Variants in BPHL observed in about 807,000 individuals in gnomAD.
BPHL encodes biphenyl hydrolase like, also known as serine hydrolase BPHL.
In BPHL, 27 loss-of-function variants were observed where a neutral mutation model predicts 31.2. The ratio of observed to expected loss-of-function variants is 0.87; its 90% confidence interval spans 0.64 to 1.19. The LOEUF (loss-of-function observed/expected upper bound fraction) is 1.19, where lower values mean the gene tolerates loss of function less well. Among genes scored for constraint, BPHL ranks in the 50% most tolerant of loss-of-function variants. The pLI, the probability that BPHL is intolerant of heterozygous loss-of-function variation, is 0.00. For missense variants in BPHL, 356 were observed against 375.7 expected (o/e 0.95, Z 0.43); for synonymous variants, 150 against 146.8 (o/e 1.02, Z -0.16).
chr6:3,142,125 G>T (rs561492433), intron 6 of BPHL, among the ~76,000 whole-genome samples: 385 of 147,228 alleles, frequency 2.6e-3, no homozygotes, highest in Non-Finnish European at 3.9e-3. Context: ...TTTTTTGTTT[G>T]TTTTTTTTTT....
intron 2 of BPHL, among the ~76,000 whole-genome samples, chr6:3,126,502 C>T (rs2113749452): frequency 6.6e-6 from 1 of 151,862 alleles, no homozygotes; most frequent in South Asian, 2.1e-4. Flanking sequence ...AAAGGAAGAC[C>T]CAGGGCCTCT....
At chr6:3,132,922 C>T (rs1268223567) in intron 4 of BPHL, among the ~76,000 whole-genome samples, 1 of 152,118 alleles carries the variant, frequency 6.6e-6, no homozygotes, top group African/African-American at 2.4e-5. Flanking sequence ...ACTTTTTATT[C>T]AATTTTCTTA....
chr6:3,141,877 G>A (rs1349493929), intron 6 of BPHL, among the ~76,000 whole-genome samples: 1 of 151,934 alleles, frequency 6.6e-6, no homozygotes, highest in East Asian at 2.0e-4. Context: ...AGGAAGCTGA[G>A]TCAGGAGAAT....
chr6:3,134,603 A>ATTTTTTTTTT (rs556567574), intron 4 of BPHL, among the ~76,000 whole-genome samples: 1 of 127,626 alleles, frequency 7.8e-6, no homozygotes, highest in South Asian at 2.5e-4. Flanking sequence ...CACCTGGCTA[A>ATTTTTTTTTT]TTTTTTTTTT....
At chr6:3,132,056 C>T (rs1761885011) in intron 4 of BPHL, among the ~76,000 whole-genome samples, 1 of 152,126 alleles carries the variant, frequency 6.6e-6, no homozygotes. Flanking sequence ...TTGATGAAAG[C>T]AAGAGTCTCT....
intron 6 of BPHL, among the ~76,000 whole-genome samples, chr6:3,147,849 T>C (rs1048121737): frequency 2.6e-5 from 4 of 152,108 alleles, no homozygotes; most frequent in African/African-American, 9.7e-5. Flanking sequence ...GCCAGGAGGC[T>C]TGAGACCCAG....
At chr6:3,146,431 TCGGAGTGCTGG>T (rs1762366045) in intron 6 of BPHL, among the ~76,000 whole-genome samples, 1 of 116,260 alleles carries the variant, frequency 8.6e-6, no homozygotes, top group Admixed American at 9.0e-5. Flanking sequence ...CTGGTTTGGG[TCGGAGTGCTGG>T]TTTGGGTCGG....
chr6:3,140,943 C>T lies in BPHL; in HGVS notation c.788+434C>T, dbSNP rs1244072269. ...TTCTGATGTCTGCTGACAGCCAGCCCTACTCAGCACAGTTAATGGTAGTGT... is the reference window on the plus strand; with the variant it reads ...TTCTGATGTCTGCTGACAGCCAGCCTTACTCAGCACAGTTAATGGTAGTGT... On this transcript the variant is annotated intron_variant, in intron 6 of 6. Coordinates refer to ENST00000380379, the MANE Select transcript of BPHL (RefSeq NM_004332.4). This position sits in a 1 kb window ranked among gnomAD's most constrained non-coding sequence, Gnocchi z 5.2. 6.6e-6 allele frequency among the ~76,000 whole-genome samples: 1 copy of T among 152,184 alleles called. No individual in the cohort carries two copies. Among genetic ancestry groups the T allele is most frequent in the East Asian group, 1.9e-4 (1 of 5,194 alleles).
chr6:3,141,807 G>C (rs1762185813), intron 6 of BPHL, among the ~76,000 whole-genome samples: 1 of 151,978 alleles, frequency 6.6e-6, no homozygotes, highest in South Asian at 2.1e-4. Flanking sequence ...AACCCCATCT[G>C]TACTAAAAAT....
In BPHL at chr6:3,140,396, C is replaced by T. The variant is rs748796244; in HGVS notation, c.675C>T (p.Cys225=). The T allele has an allele frequency of 1.9e-6, 3 of 1,614,026 alleles. No homozygotes were observed. The highest frequency in any genetic ancestry group is 2.7e-5 in the African/African-American group (2 of 74,906). Reference sequence around the variant, plus strand: ...CTGTGTATCCGTCAGGTAACATCTGCCGGCACCTGCTGCCCCGGGTCCAGT... The same window carrying T: ...CTGTGTATCCGTCAGGTAACATCTGTCGGCACCTGCTGCCCCGGGTCCAGT... The part of the protein sequence containing the change: ...QFKHLPDGNI[C]RHLLPRVQCP... The change falls in exon 6 of 7, where the codon TGC becomes TGT. Residue 225 remains cysteine, a synonymous_variant. Coordinates refer to ENST00000380379, the MANE Select transcript of BPHL (RefSeq NM_004332.4). This position sits in a 1 kb window ranked among gnomAD's most constrained non-coding sequence, Gnocchi z 5.2.
chr6:3,144,302 C>T (rs1193254862), intron 6 of BPHL, among the ~76,000 whole-genome samples: 6 of 151,494 alleles, frequency 4.0e-5, no homozygotes, highest in South Asian at 2.1e-4. Flanking sequence ...CTCCTGACCT[C>T]GTGATGCACC....
At chr6:3,121,166 A>T (rs1761558854) in intron 1 of BPHL, among the ~76,000 whole-genome samples, 1 of 152,222 alleles carries the variant, frequency 6.6e-6, no homozygotes, top group Admixed American at 6.5e-5. Context: ...ATGTAAAAAT[A>T]ATTCATCAAG....
intron 4 of BPHL, among the ~76,000 whole-genome samples, chr6:3,130,681 A>T (rs973521099): frequency 1.3e-5 from 2 of 152,112 alleles, no homozygotes; most frequent in African/African-American, 4.8e-5. Context: ...TAAAATATTT[A>T]TTTACTCTCT....
At chr6:3,143,256 A>G (rs1438960063) in intron 6 of BPHL, among the ~76,000 whole-genome samples, 1 of 152,110 alleles carries the variant, frequency 6.6e-6, no homozygotes, top group Non-Finnish European at 1.5e-5. Context: ...ACTTAAAGGC[A>G]CAGACTATCC....
chr6:3,131,914 T>G (rs1040507790), intron 4 of BPHL, among the ~76,000 whole-genome samples: 5 of 152,072 alleles, frequency 3.3e-5, no homozygotes, highest in Non-Finnish European at 7.4e-5. Flanking sequence ...GTGCTCTCCC[T>G]CCTGGACCCC....
chr6:3,126,216 A>C (rs1279918349), intron 2 of BPHL, among the ~76,000 whole-genome samples: 1 of 152,186 alleles, frequency 6.6e-6, no homozygotes, highest in Admixed American at 6.5e-5. Flanking sequence ...CTACAAAATA[A>C]AATCTTTAGG....
intron 6 of BPHL, among the ~76,000 whole-genome samples, chr6:3,141,688 T>C (rs1762182221): frequency 6.6e-6 from 1 of 152,078 alleles, no homozygotes; most frequent in Admixed American, 6.5e-5. Context: ...ATTGATTTAG[T>C]AGGGGCTGGG....
Position 3,136,143 on chromosome 6 carries a change from T to C in BPHL, c.533-1219T>C, listed in dbSNP as rs1309876502. Reference sequence around the variant, plus strand: ...AATTCTGTTTTGTGAAAGATCTAGTTATTCCCCTGCAAGAAGGCCTTTCAG... The same window carrying C: ...AATTCTGTTTTGTGAAAGATCTAGTCATTCCCCTGCAAGAAGGCCTTTCAG... On this transcript the variant is annotated intron_variant, in intron 4 of 6. Transcript: ENST00000380379. 2.0e-5 allele frequency among the ~76,000 whole-genome samples: 3 copies of C among 152,222 alleles called. No homozygotes were observed. In the East Asian group the frequency reaches 5.8e-4, roughly 29 times the overall value.
intron 1 of BPHL, among the ~76,000 whole-genome samples, chr6:3,120,412 C>T (rs761906934): frequency 9.2e-5 from 14 of 152,096 alleles, no homozygotes; most frequent in Admixed American, 2.0e-4. Context: ...ATCATTCTTC[C>T]TAAAATATCT....
Sources: gnomAD v4.1 joint callset for allele counts (sites outside exome capture counted in the v4.1 genomes callset) on GRCh38, gnomAD v4.1.1 for gene constraint, Gnocchi (gnomAD v3.1) non-coding constraint, MANE v1.5 for transcripts, NCBI Gene and HGNC (gene_info 2026-07-23, HGNC 2026-07-21) for gene names.